ADAMTS6: variants seen among roughly 807,000 people sequenced by gnomAD.
ADAMTS6 encodes A disintegrin and metalloproteinase with thrombospondin motifs 6.
In ADAMTS6, 23 loss-of-function variants were observed where a neutral mutation model predicts 144.3. The ratio of observed to expected loss-of-function variants is 0.16; its 90% CI spans 0.11 to 0.23. The LOEUF (loss-of-function observed/expected upper bound fraction) is 0.23. Among genes scored for constraint, ADAMTS6 ranks in the 10% least tolerant of loss-of-function variants. ADAMTS6 has a pLI of 1.00. For synonymous variants in ADAMTS6, 444 were observed against 457.5 expected, an observed-to-expected ratio of 0.97 and a Z score of 0.38; for missense variants, 999 against 1,379.6, an observed-to-expected ratio of 0.72 and a Z score of 4.37.
chr5:65,446,199 T>C (rs1758259689), intron 7 of ADAMTS6, among the ~76,000 whole-genome samples: 1 of 152,210 alleles, frequency 6.6e-6, no homozygotes, highest in South Asian at 2.1e-4. Context: ...TAACTTCCCT[T>C]TTCTCTATCT....
Position 65,464,143 on chromosome 5 carries a change from C to T in ADAMTS6, c.463-3805G>A, listed in dbSNP as rs779358106. Reference sequence around the variant, plus strand: ...TGTTGATTTCAATATCTTCTTACATCACAGGTTCTTAAAATACGTGTATGT... The same window carrying T: ...TGTTGATTTCAATATCTTCTTACATTACAGGTTCTTAAAATACGTGTATGT... On this transcript the variant is annotated intron_variant, in intron 3 of 24. Coordinates refer to ENST00000381055, the MANE Select transcript of ADAMTS6 (RefSeq NM_197941.4). Among the ~76,000 whole-genome samples the T allele has an allele frequency of 2.6e-5, 4 of 152,332 alleles. No individual in the cohort carries two copies. The East Asian group carries it at 7.7e-4, about 29-fold the overall frequency.
At chr5:65,371,000 C>T (rs1013627004) in intron 7 of ADAMTS6, among the ~76,000 whole-genome samples, 3 of 152,128 alleles carry the variant, frequency 2.0e-5, no homozygotes, top group African/African-American at 7.2e-5. Context: ...GGAGGCACCC[C>T]CCAGCAGGGG....
intron 12 of ADAMTS6, among the ~76,000 whole-genome samples, chr5:65,265,795 G>A (rs1344574278): frequency 6.6e-6 from 1 of 151,616 alleles, no homozygotes; most frequent in East Asian, 1.9e-4. Flanking sequence ...TTTCAGATGA[G>A]GACACCAGAA....
intron 1 of ADAMTS6, among the ~76,000 whole-genome samples, chr5:65,478,960 G>A (rs1308618578): frequency 6.6e-6 from 1 of 152,094 alleles, no homozygotes; most frequent in Non-Finnish European, 1.5e-5. Flanking sequence ...CTGATTGGAG[G>A]GTATTACTTG....
Position 65,230,794 on chromosome 5 carries a change from CAT to C in ADAMTS6, c.1934-4577_1934-4576del, listed in dbSNP as rs1400169063. Among the ~76,000 whole-genome samples the C allele has an allele frequency of 3.8e-5, 3 of 79,584 alleles. 1 individual carries two copies. The Admixed American group carries it at 4.4e-4, about 12-fold the overall frequency. 52.2% of individuals were successfully genotyped at this position (79,584 alleles called of 152,430 possible). The stretch of plus-strand genomic sequence containing the variant: ...ATATGTATGAAATATATATATAACA[CAT>C]ATGTATGAAATATATATATAATACA... On this transcript the variant is annotated intron_variant, in intron 15 of 24. Transcript: ENST00000381055.
chr5:65,385,852 C>A (rs1272885753), intron 7 of ADAMTS6, among the ~76,000 whole-genome samples: 1 of 152,070 alleles, frequency 6.6e-6, no homozygotes, highest in Non-Finnish European at 1.5e-5. Context: ...TGTGAAGTAT[C>A]TCATAAAGTA....
At chr5:65,306,507 A>T (rs369058658) in intron 9 of ADAMTS6, among the ~76,000 whole-genome samples, 28 of 152,334 alleles carry the variant, frequency 1.8e-4, no homozygotes, top group Admixed American at 3.9e-4. Context: ...ACTATTGTGA[A>T]ACTAGCTTTG....
chr5:65,209,421 C>G (rs528905374), intron 20 of ADAMTS6, among the ~76,000 whole-genome samples: 2 of 152,288 alleles, frequency 1.3e-5, no homozygotes, highest in African/African-American at 4.8e-5. Context: ...ACAGCAGTAT[C>G]TCAAAAATCA....
intron 18 of ADAMTS6, among the ~76,000 whole-genome samples, chr5:65,220,527 A>T (rs1009017480): frequency 6.6e-5 from 10 of 152,136 alleles, no homozygotes; most frequent in African/African-American, 2.4e-4. Flanking sequence ...CGGGTGCATC[A>T]TGAGGTCAGG....
intron 20 of ADAMTS6, among the ~76,000 whole-genome samples, chr5:65,211,276 T>C (rs1756514437): frequency 6.6e-6 from 1 of 152,186 alleles, no homozygotes; most frequent in Non-Finnish European, 1.5e-5. Flanking sequence ...TCCTGCACTC[T>C]ATATCCTAGG....
intron 22 of ADAMTS6, among the ~76,000 whole-genome samples, chr5:65,186,877 C>T (rs1469506866): frequency 6.6e-6 from 1 of 152,194 alleles, no homozygotes; most frequent in Non-Finnish European, 1.5e-5. Context: ...TCAGAATCTC[C>T]ACTTCCATGT....
intron 22 of ADAMTS6, among the ~76,000 whole-genome samples, chr5:65,175,272 G>A (rs1753898965): frequency 6.6e-6 from 1 of 151,814 alleles, no homozygotes; most frequent in Admixed American, 6.6e-5. Context: ...GAGAGAGAGA[G>A]AGAGAGAGAA....
intron 7 of ADAMTS6, among the ~76,000 whole-genome samples, chr5:65,342,562 A>C (rs936101311): frequency 5.9e-5 from 9 of 152,130 alleles, no homozygotes; most frequent in African/African-American, 2.2e-4. Flanking sequence ...ACCTCAACAT[A>C]ATAAAGGCCC....
intron 7 of ADAMTS6, among the ~76,000 whole-genome samples, chr5:65,446,762 A>G (rs1312168625): frequency 6.6e-6 from 1 of 152,204 alleles, no homozygotes; most frequent in African/African-American, 2.4e-5. Context: ...GTAAATCTAT[A>G]TAGACAGAAA....
At chr5:65,310,862 T>C (rs1361999639) in intron 9 of ADAMTS6, among the ~76,000 whole-genome samples, 1 of 152,256 alleles carries the variant, frequency 6.6e-6, no homozygotes, top group Non-Finnish European at 1.5e-5. Context: ...AAACTTAAAA[T>C]TGTGTGTTAC....
At chr5:65,472,060 T>G (rs867407287) in intron 2 of ADAMTS6, among the ~76,000 whole-genome samples, 1 of 152,190 alleles carries the variant, frequency 6.6e-6, no homozygotes, top group South Asian at 2.1e-4. Flanking sequence ...TGCAATATTA[T>G]TTTACAATAA....
chr5:65,261,655 G>T (rs1362939716), intron 13 of ADAMTS6, among the ~76,000 whole-genome samples: 1 of 152,156 alleles, frequency 6.6e-6, no homozygotes, highest in Admixed American at 6.6e-5. Context: ...AAATGGCTCA[G>T]CTTGAACCAG....
intron 14 of ADAMTS6, chr5:65,251,748 T>C (rs1760183157): frequency 6.6e-6 from 1 of 152,208 alleles, no homozygotes; most frequent in Admixed American, 6.5e-5. Context: ...ATTATGTTGC[T>C]GTTGAGAGTG....
chr5:65,364,057 T>G (rs1459324595), intron 7 of ADAMTS6, among the ~76,000 whole-genome samples: 1 of 152,194 alleles, frequency 6.6e-6, no homozygotes, highest in Non-Finnish European at 1.5e-5. Context: ...CATGAAGATT[T>G]GATAAGGACT....
Sources: allele counts gnomAD v4.1 joint callset (sites outside exome capture counted in the v4.1 genomes callset), GRCh38; gene constraint gnomAD v4.1.1; transcripts MANE v1.5; gene names NCBI Gene and HGNC (gene_info 2026-07-23, HGNC 2026-07-21).